The following USP40 variants were observed in gnomAD, a reference collection of about 807,000 sequenced individuals.
The protein encoded by USP40 is ubiquitin carboxyl-terminal hydrolase 40.
Under a neutral mutation model 166.2 loss-of-function variants are expected in USP40, and 143 were observed. That is an observed-to-expected ratio of 0.86 (90% CI 0.75 to 0.99). The LOEUF is 0.99. Among genes scored for constraint, USP40 ranks in the 50% least tolerant of loss-of-function variants. The pLI is 0.00. For missense variants in USP40, 1,444 were observed against 1,479.7 expected, an observed-to-expected ratio of 0.98 and a Z score of 0.40; for synonymous variants, 498 against 524.0, an observed-to-expected ratio of 0.95 and a Z score of 0.68.
In USP40 at chr2:233,551,415, T is replaced by A; in HGVS notation, c.798A>T (p.Thr266=). The change falls in exon 7 of 32, where the codon ACA becomes ACT. Residue 266 remains threonine, a synonymous_variant. Coordinates refer to ENST00000678225, the MANE Select transcript of USP40 (RefSeq NM_001365479.2). The part of the protein sequence containing the change: ...CERYKETSCY[T]FPLRINLKPF... ...GCTTGAGATTAATCCGGAGAGGGAA[T>A]GTATAACAGCTAGTTTCCTTGTAGC... The A allele has an allele frequency of 6.2e-7, 1 of 1,608,930 alleles. No homozygotes were observed. The highest frequency in any genetic ancestry group is 2.2e-5 in the East Asian group (1 of 44,794).
rs61349968 is a variant in USP40, at chr2:233,494,948, ATATATATT to A, written c.2791-1405_2791-1398del. Among the ~76,000 whole-genome samples the A allele has an allele frequency of 6.3e-3, 205 of 32,470 alleles. 4 individuals are homozygous for A. Among genetic ancestry groups the A allele is most frequent in the East Asian group, 0.019 (25 of 1,330 alleles). The allele number at this position is 32,470 out of a possible 152,430, so 21.3% of individuals were successfully genotyped here. A position where few individuals can be genotyped will look rare whatever the true frequency, so the allele number is the denominator to read the frequency against. On this transcript the variant is annotated intron_variant, in intron 24 of 31. Transcript: ENST00000678225. ...TATATATATATATATATATATATAT[ATATATATT>A]TATATATATATATATATATATATAC...
intron 28 of USP40, among the ~76,000 whole-genome samples, chr2:233,487,145 A>G (rs1170611630): frequency 1.3e-5 from 2 of 152,256 alleles, no homozygotes; most frequent in Non-Finnish European, 2.9e-5. Flanking sequence ...ACAAATTCCA[A>G]GAGAGCTTTT....
chr2:233,509,196 A>G (rs1215915376), intron 21 of USP40, among the ~76,000 whole-genome samples: 1 of 152,212 alleles, frequency 6.6e-6, no homozygotes, highest in African/African-American at 2.4e-5. Context: ...ATTTTTTAAG[A>G]AAAAATATAT....
Position 233,527,415 on chromosome 2 carries a change from T to C in USP40, c.1717A>G (p.Ile573Val), listed in dbSNP as rs765181308. The change falls in exon 13 of 32, where the codon ATA becomes GTA. Residue 573 changes from isoleucine (I) to valine (V), a missense_variant. Coordinates refer to ENST00000678225, the MANE Select transcript of USP40 (RefSeq NM_001365479.2). ...RKTLGDLRQSIFQLLEFWEGD... is the reference protein window; with the variant it reads ...RKTLGDLRQSVFQLLEFWEGD... ...AAGTAAGGCGATATTACCTGAAATA[T>C]TGACTGCCGGAGATCTCCTAAAGTT... 6.8e-5 allele frequency: 109 copies of C among 1,611,916 alleles called. No individual in the cohort carries two copies. The highest frequency in any genetic ancestry group is 9.2e-5 in the Non-Finnish European group (108 of 1,179,564).
In USP40 at chr2:233,497,591, G is replaced by T. The variant is rs2065821811; in HGVS notation, c.2716-759C>A. On this transcript the variant is annotated intron_variant, in intron 23 of 31. Transcript: ENST00000678225. The stretch of plus-strand genomic sequence containing the variant: ...TTAGGATGGGAAAGATACCTGGCAA[G>T]GCTGGAACGAGAAGCCAGTTCCAAG... Among the ~76,000 whole-genome samples, 3 of 152,226 alleles carry T rather than the reference G, an allele frequency of 2.0e-5. No homozygotes were observed. In the South Asian group the frequency reaches 6.2e-4, roughly 32 times the overall value.
At chr2:233,512,662 GAATT>G (rs768498250) in intron 18 of USP40, 40 bp from the exon 19 acceptor site, 1 of 824,776 alleles carries the variant, frequency 1.2e-6, no homozygotes, top group East Asian at 3.2e-5. Flanking sequence ...AGAGAGCTAG[GAATT>G]AATAACCTTC....
chr2:233,551,579 A>T, intron 6 of USP40, 60 bp from the exon 7 acceptor site: 1 of 1,483,886 alleles, frequency 6.7e-7, no homozygotes, highest in Non-Finnish European at 9.0e-7. Flanking sequence ...AGGATACATA[A>T]TGTTTCTTAA....
chr2:233,485,995 C>CA lies in USP40; in HGVS notation c.3198-19dup. On this transcript the variant is annotated intron_variant, in intron 28 of 31. Coordinates refer to ENST00000678225, the MANE Select transcript of USP40 (RefSeq NM_001365479.2). ...CCTGGGGGCTGTACCAGAAAACCGTCAAGCGCCAGATCCAAACAAACAAAC... is the reference window on the plus strand; with the variant it reads ...CCTGGGGGCTGTACCAGAAAACCGTCAAAGCGCCAGATCCAAACAAACAAAC... 1 of 1,553,484 alleles carries CA rather than the reference C, an allele frequency of 6.4e-7. No homozygotes were observed. Among genetic ancestry groups the CA allele is most frequent in the South Asian group, 1.2e-5 (1 of 82,670 alleles).
At chr2:233,549,700 C>A (rs2070374418) in intron 7 of USP40, among the ~76,000 whole-genome samples, 1 of 151,942 alleles carries the variant, frequency 6.6e-6, no homozygotes, top group African/African-American at 2.4e-5. Flanking sequence ...ACTAGGTTGT[C>A]ATGTGCCTCA....
chr2:233,530,239 C>T (rs2068411279), intron 11 of USP40, among the ~76,000 whole-genome samples: 1 of 150,336 alleles, frequency 6.7e-6, no homozygotes, highest in Non-Finnish European at 1.5e-5. Context: ...CAGGCACACA[C>T]ACAAACACAC....
chr2:233,479,069 C>T (rs968575904), intron 31 of USP40, among the ~76,000 whole-genome samples: 2 of 152,182 alleles, frequency 1.3e-5, no homozygotes, highest in Admixed American at 1.3e-4. Flanking sequence ...GCAAACAGCA[C>T]GTGTGAGGCT....
chr2:233,488,150 T>A, intron 28 of USP40, 89 bp downstream of exon 28: 1 of 1,097,518 alleles, frequency 9.1e-7, no homozygotes. Context: ...GTGAAAAAAA[T>A]GCTACACTAT....
rs761115436 is a variant in USP40 at position 233,512,555 on chromosome 2, T to C, written c.2437+14A>G. The C allele has an allele frequency of 6.4e-7, 1 of 1,569,388 alleles. No individual in the cohort carries two copies. On this transcript the variant is annotated intron_variant, in intron 19 of 31. Transcript: ENST00000678225. Reference sequence around the variant, plus strand: ...AGTATAAGCCACCTTTTGAAAGTTATCAAAAAGATTTACCTGGACAAAGAA... The same window carrying C: ...AGTATAAGCCACCTTTTGAAAGTTACCAAAAAGATTTACCTGGACAAAGAA...
rs1038382953 is a variant in USP40 at position 233,475,873 on chromosome 2, G to A, written c.*1519C>T. The stretch of plus-strand genomic sequence containing the variant: ...TTAAGAAGGGCTGGGCGCCCAGCTC[G>A]TCACGACACTTACAGCTCTGGCGTC... On this transcript the variant is annotated 3_prime_UTR_variant, in exon 32 of 32. Transcript: ENST00000678225. 6.6e-6 allele frequency: 1 copy of A among 152,402 alleles called. No individual in the cohort carries two copies. The highest frequency in any genetic ancestry group is 1.5e-5 in the Non-Finnish European group (1 of 68,060). 9.4% of individuals were successfully genotyped at this position (152,402 alleles called of 1,614,324 possible). A position where few individuals can be genotyped will look rare whatever the true frequency, so the allele number is the denominator to read the frequency against.
At chr2:233,489,795 T>C (rs920611914) in intron 26 of USP40, 1 of 247,938 alleles carries the variant, frequency 4.0e-6, no homozygotes, top group African/African-American at 2.3e-5. Flanking sequence ...TTAACTTCCA[T>C]GGGAGTAGAA....
chr2:233,529,659 C>CA, intron 11 of USP40, 147 bp from the exon 12 acceptor site: 2 of 499,572 alleles, frequency 4.0e-6, no homozygotes, highest in Middle Eastern at 2.9e-4. Context: ...CTCAGGATCT[C>CA]AGTTTTCCCA....
At chr2:233,528,476 C>G (rs1031290286) in intron 12 of USP40, among the ~76,000 whole-genome samples, 1 of 152,182 alleles carries the variant, frequency 6.6e-6, no homozygotes, top group African/African-American at 2.4e-5. Flanking sequence ...TACTTCAGGA[C>G]ACTTCAATGA....
chr2:233,560,439 C>T (rs1469954175), intron 3 of USP40, among the ~76,000 whole-genome samples: 1 of 152,106 alleles, frequency 6.6e-6, no homozygotes, highest in Non-Finnish European at 1.5e-5. Flanking sequence ...GTAGGCTAGA[C>T]TTTAAGTATT....
chr2:233,542,226 A>G (rs2069486600), intron 9 of USP40, 42 bp downstream of exon 9: 1 of 1,214,886 alleles, frequency 8.2e-7, no homozygotes, highest in African/African-American at 1.5e-5. Flanking sequence ...CATACACACA[A>G]TACATACCAT....
Sources: allele counts gnomAD v4.1 joint callset (sites outside exome capture counted in the v4.1 genomes callset), GRCh38; gene constraint gnomAD v4.1.1; transcripts MANE v1.5; gene names NCBI Gene and HGNC (gene_info 2026-07-23, HGNC 2026-07-21).